Variants in CEP290 observed in about 807,000 individuals in gnomAD.
CEP290 encodes the protein centrosomal protein of 290 kDa.
A neutral mutation model predicts 344.9 loss-of-function variants in CEP290; 317 were observed. The ratio of observed to expected loss-of-function variants is 0.92; its 90% CI spans 0.84 to 1.01. CEP290 has a LOEUF of 1.01. CEP290 is among the 50% of genes least tolerant of loss of function. The pLI is 0.00. For synonymous variants in CEP290, 932 were observed against 895.8 expected (o/e 1.04, Z -0.72); for missense variants, 2,754 against 2,761.4 (o/e 1.00, Z 0.06).
intron 26 of CEP290, among the ~76,000 whole-genome samples, chr12:88,101,976 TC>T (rs1363429510): frequency 1.3e-5 from 2 of 152,188 alleles, no homozygotes; most frequent in African/African-American, 2.4e-5. Flanking sequence ...TGAAAGCTAC[TC>T]AGAACAACGT....
At chr12:88,092,578 T>A in intron 29 of CEP290, 103 bp downstream of exon 29, 1 of 900,208 alleles carries the variant, frequency 1.1e-6, no homozygotes, top group South Asian at 2.1e-5. Flanking sequence ...AAGAAATCAG[T>A]ATCAATTACT....
chr12:88,112,200 C>T (rs1459570135), intron 20 of CEP290, among the ~76,000 whole-genome samples: 1 of 152,066 alleles, frequency 6.6e-6, no homozygotes, highest in Non-Finnish European at 1.5e-5. Context: ...TTCTCTGTAT[C>T]TTAGTTTTCT....
At chr12:88,137,893 C>A (rs1019191812) in intron 5 of CEP290, among the ~76,000 whole-genome samples, 4 of 152,198 alleles carry the variant, frequency 2.6e-5, no homozygotes, top group African/African-American at 9.7e-5. Flanking sequence ...CACAAAATAT[C>A]CTGCTCTCCA....
At chr12:88,136,388 G>A in intron 6 of CEP290, 1 of 392,628 alleles carries the variant, frequency 2.5e-6, no homozygotes, top group Non-Finnish European at 4.6e-6. Context: ...ATTAATTTTA[G>A]GTAACAAGTT....
chr12:88,051,459 A>G (rs2033524326), intron 52 of CEP290, among the ~76,000 whole-genome samples: 1 of 152,122 alleles, frequency 6.6e-6, no homozygotes, highest in African/African-American at 2.4e-5. Context: ...TCAGCCTCCC[A>G]AAGTGCTGGG....
intron 18 of CEP290, chr12:88,115,608 T>A: frequency 8.4e-7 from 1 of 1,191,408 alleles, no homozygotes; most frequent in South Asian, 1.3e-5. Context: ...AGTCAATGAG[T>A]TCATATCAAT....
Position 88,115,440 on chromosome 12 carries a change from C to A in CEP290, c.1825-258G>T, listed in dbSNP as rs889828171. Reference sequence around the variant, plus strand: ...GATATAACGGTTTTTGTCTTTAGTACCACAATCATCTCTTTTAATGTTCTG... The same window carrying A: ...GATATAACGGTTTTTGTCTTTAGTAACACAATCATCTCTTTTAATGTTCTG... On this transcript the variant is annotated intron_variant, in intron 18 of 53. Coordinates refer to ENST00000552810, the MANE Select transcript of CEP290 (RefSeq NM_025114.4). The A allele has an allele frequency of 1.3e-5, 16 of 1,251,974 alleles. No individual in the cohort carries two copies. In the African/African-American group the frequency reaches 2.1e-4, roughly 17 times the overall value. The allele number at this position is 1,251,974 out of a possible 1,614,324, so 77.6% of individuals were successfully genotyped here.
At chr12:88,097,554 A>G (rs1470873032) in intron 26 of CEP290, among the ~76,000 whole-genome samples, 1 of 151,764 alleles carries the variant, frequency 6.6e-6, no homozygotes, top group Non-Finnish European at 1.5e-5. Flanking sequence ...TCTTCATAGC[A>G]GCATGAGAAC....
At chr12:88,124,520 A>G (rs999322273) in intron 13 of CEP290, among the ~76,000 whole-genome samples, 22 of 152,032 alleles carry the variant, frequency 1.4e-4, no homozygotes, top group African/African-American at 5.1e-4. Flanking sequence ...TTTCTTCTTC[A>G]TGTCATATAT....
At chr12:88,109,857 CA>C (rs1227263603) in intron 22 of CEP290, among the ~76,000 whole-genome samples, 1 of 152,036 alleles carries the variant, frequency 6.6e-6, no homozygotes, top group Non-Finnish European at 1.5e-5. Context: ...AATTTTATCT[CA>C]AAAAATACGA....
At chr12:88,088,479 T>C (rs538115113) in intron 31 of CEP290, among the ~76,000 whole-genome samples, 8 of 152,292 alleles carry the variant, frequency 5.3e-5, no homozygotes, top group African/African-American at 1.2e-4. Flanking sequence ...AATTTTCCTA[T>C]AGTAATTAAA....
intron 15 of CEP290, among the ~76,000 whole-genome samples, chr12:88,119,774 A>G (rs2039290375): frequency 6.6e-6 from 1 of 152,164 alleles, no homozygotes; most frequent in Non-Finnish European, 1.5e-5. Context: ...GCAAACAAAC[A>G]TGGGTAATAC....
chr12:88,052,627 G>GCATATATATACATACACA (rs2033648707), intron 52 of CEP290, among the ~76,000 whole-genome samples: 2 of 151,236 alleles, frequency 1.3e-5, no homozygotes, highest in South Asian at 2.1e-4. Flanking sequence ...GTACAGACAT[G>GCATATATATACATACACA]CATATATATA....
chr12:88,134,390 A>T lies in CEP290; in HGVS notation c.441+2253T>A, dbSNP rs375965005. On this transcript the variant is annotated intron_variant, in intron 6 of 53. Transcript: ENST00000552810. ...GAATTAACACAAATGTTTCCTTACT[A>T]GTCTTGGCCCTTTTCAATCCACTCT... is the stretch of plus-strand genomic sequence containing the variant. 3.3e-5 allele frequency among the ~76,000 whole-genome samples: 5 copies of T among 152,190 alleles called. No individual in the cohort carries two copies. The East Asian group carries it at 5.8e-4, about 18-fold the overall frequency.
intron 23 of CEP290, among the ~76,000 whole-genome samples, chr12:88,107,435 T>C (rs567275905): frequency 6.6e-6 from 1 of 152,024 alleles, no homozygotes; most frequent in Non-Finnish European, 1.5e-5. Flanking sequence ...CTATACTAAT[T>C]CTAGAAATCA....
At chr12:88,131,688 G>C (rs1234512664) in intron 6 of CEP290, among the ~76,000 whole-genome samples, 1 of 151,700 alleles carries the variant, frequency 6.6e-6, no homozygotes, top group Non-Finnish European at 1.5e-5. Context: ...ATAAATAATA[G>C]GCCAAAATTT....
intron 45 of CEP290, among the ~76,000 whole-genome samples, chr12:88,063,156 A>G (rs1427229834): frequency 7.0e-6 from 1 of 142,664 alleles, no homozygotes; most frequent in Non-Finnish European, 1.6e-5. Flanking sequence ...AAAAAAAAAA[A>G]GGAAAAAAAG....
chr12:88,090,601 C>G (rs1268574585), intron 30 of CEP290, 127 bp downstream of exon 30: 5 of 643,890 alleles, frequency 7.8e-6, no homozygotes, highest in Non-Finnish European at 1.3e-5. Flanking sequence ...CTGCACTCCA[C>G]CCTGGGCAAC....
chr12:88,068,123 C>A (rs2035078251), intron 44 of CEP290, among the ~76,000 whole-genome samples: 1 of 151,954 alleles, frequency 6.6e-6, no homozygotes, highest in Admixed American at 6.6e-5. Flanking sequence ...AAAAATCCAA[C>A]AAATAATTTT....
Sources: gnomAD v4.1 joint callset for allele counts (sites outside exome capture counted in the v4.1 genomes callset) on GRCh38, gnomAD v4.1.1 for gene constraint, MANE v1.5 for transcripts, NCBI Gene and HGNC (gene_info 2026-07-23, HGNC 2026-07-21) for gene names.